The following CFAP46 variants were observed in gnomAD, a reference collection of about 807,000 sequenced individuals.
CFAP46 encodes the protein cilia and flagella associated protein 46, also known as cilia- and flagella-associated protein 46.
CFAP46 carries 245 observed loss-of-function variants against 325.7 expected under a neutral mutation model. The observed-to-expected ratio is 0.75, with a 90% CI of 0.68 to 0.84. The LOEUF (loss-of-function observed/expected upper bound fraction) is 0.84, where lower values mean the gene tolerates loss of function less well. Among genes scored for constraint, CFAP46 ranks in the 40% least tolerant of loss-of-function variants. CFAP46 has a pLI of 0.00. For missense variants in CFAP46, 3,346 were observed against 3,543.0 expected (o/e 0.94, Z 1.41); for synonymous variants, 1,523 against 1,495.9 (o/e 1.02, Z -0.42).
At chr10:132,849,547 C>T (rs571961519) in intron 41 of CFAP46, among the ~76,000 whole-genome samples, 1 of 152,300 alleles carries the variant, frequency 6.6e-6, no homozygotes, top group South Asian at 2.1e-4. Flanking sequence ...AGGAAGGTGA[C>T]CTGGGGCCTT....
chr10:132,929,599 C>CA (rs1849860944), intron 9 of CFAP46, 106 bp downstream of exon 9: 3 of 1,079,874 alleles, frequency 2.8e-6, no homozygotes, highest in South Asian at 2.5e-5. Flanking sequence ...GACCGAAGCC[C>CA]TGGGGGCCGT....
intron 41 of CFAP46, 108 bp downstream of exon 41, chr10:132,850,136 C>T: frequency 8.8e-7 from 1 of 1,137,222 alleles, no homozygotes; most frequent in Admixed American, 2.3e-5. Flanking sequence ...TTCTCTCTTC[C>T]TGGGGCCACT....
At chr10:132,819,351 A>G (rs56317049) in intron 50 of CFAP46, among the ~76,000 whole-genome samples, 1,622 of 152,366 alleles carry the variant, frequency 0.011, 14 homozygotes, top group Non-Finnish European at 0.019. Flanking sequence ...GCAATGCACT[A>G]TCAAAATTCC....
chr10:132,823,746 CTGA>C (rs1468087240), intron 50 of CFAP46, among the ~76,000 whole-genome samples: 17 of 102,628 alleles, frequency 1.7e-4, no homozygotes, highest in Middle Eastern at 7.4e-3. Context: ...GCTGTGTGCG[CTGA>C]TGTGTGCTGT....
chr10:132,889,311 G>A lies in CFAP46; in HGVS notation c.3304+3022C>T, dbSNP rs984096984. Among the ~76,000 whole-genome samples the A allele has an allele frequency of 5.3e-5, 8 of 152,148 alleles. No individual in the cohort carries two copies. Among genetic ancestry groups the A allele is most frequent in the Admixed American group, 2.6e-4 (4 of 15,288 alleles). On this transcript the variant is annotated intron_variant, in intron 25 of 57. Coordinates refer to ENST00000368586, the MANE Select transcript of CFAP46 (RefSeq NM_001200049.3). This position sits in a 1 kb window ranked among gnomAD's most constrained non-coding sequence, Gnocchi z 6.0. Reference sequence around the variant, plus strand: ...GAGACTGCATTCTCCAGAGCCGACCGGCTGGGTCTAGGGAGCAGAGGTGCC... The same window carrying A: ...GAGACTGCATTCTCCAGAGCCGACCAGCTGGGTCTAGGGAGCAGAGGTGCC...
intron 22 of CFAP46, among the ~76,000 whole-genome samples, chr10:132,900,380 G>A (rs557032953): frequency 1.3e-5 from 2 of 152,394 alleles, no homozygotes; most frequent in African/African-American, 4.8e-5. Context: ...GGCTGGGGCT[G>A]CAACGCCACA....
intron 34 of CFAP46, 66 bp from the exon 35 acceptor site, chr10:132,866,237 AGGCTCT>A: frequency 7.1e-7 from 1 of 1,411,432 alleles, no homozygotes; most frequent in Non-Finnish European, 9.3e-7. Context: ...CTCACGGGAC[AGGCTCT>A]GGCTCAGGAG....
Position 132,876,968 on chromosome 10 carries a change from A to G in CFAP46, c.4213-7T>C. 6.5e-7 allele frequency: 1 copy of G among 1,548,984 alleles called. No homozygotes were observed. ...TAGGAGCTGGGCTTTGAGACTAGAA[A>G]GGCAAGAATACAGGATTTACCTGAA... is the stretch of plus-strand genomic sequence containing the variant. On this transcript the variant is annotated splice_region_variant and splice_polypyrimidine_tract_variant and intron_variant, in intron 30 of 57. Coordinates refer to ENST00000368586, the MANE Select transcript of CFAP46 (RefSeq NM_001200049.3). This position sits in a 1 kb window ranked among gnomAD's most constrained non-coding sequence, Gnocchi z 4.1.
intron 14 of CFAP46, 45 bp downstream of exon 14, chr10:132,920,014 C>T (rs1343763881): frequency 6.8e-7 from 1 of 1,467,346 alleles, no homozygotes; most frequent in Non-Finnish European, 9.0e-7. Flanking sequence ...CTGAGCGACC[C>T]CCGGGCTGAG....
chr10:132,821,733 CTG>C lies in CFAP46; in HGVS notation c.7118-6821_7118-6820del, dbSNP rs1285557424. ...GACGTGTGCTGTGTGCTGACGTGTG[CTG>C]TGTGTGCGCTGATGTGTGCTGTGTG... On this transcript the variant is annotated intron_variant, in intron 50 of 57. Coordinates refer to ENST00000368586, the MANE Select transcript of CFAP46 (RefSeq NM_001200049.3). 1.2e-3 allele frequency among the ~76,000 whole-genome samples: 125 copies of C among 104,642 alleles called. 1 individual carries two copies. The highest frequency in any genetic ancestry group is 4.3e-3 in the African/African-American group (114 of 26,536). The allele number at this position is 104,642 out of a possible 152,430, so 68.6% of individuals were successfully genotyped here. A position where few individuals can be genotyped will look rare whatever the true frequency, so the allele number is the denominator to read the frequency against.
chr10:132,814,083 G>T, intron 54 of CFAP46, 69 bp downstream of exon 54: 2 of 1,241,512 alleles, frequency 1.6e-6, no homozygotes, highest in South Asian at 1.2e-5. Context: ...GGGGTAGGGG[G>T]CAGTGGCTCC....
At chr10:132,892,309 G>A (rs1173774186) in intron 25 of CFAP46, 24 bp downstream of exon 25, 1 of 1,547,654 alleles carries the variant, frequency 6.5e-7, no homozygotes, top group Non-Finnish European at 8.7e-7. Flanking sequence ...TGGAGCCTGT[G>A]GGTCTGTCTG....
In CFAP46 at chr10:132,864,283, C is replaced by A. The variant is rs577347539; in HGVS notation, c.4890+1742G>T. 5.7e-5 allele frequency among the ~76,000 whole-genome samples: 8 copies of A among 140,792 alleles called. No homozygotes were observed. The South Asian group carries it at 1.9e-3, about 33-fold the overall frequency. 92.4% of individuals were successfully genotyped at this position (140,792 alleles called of 152,430 possible). A position where few individuals can be genotyped will look rare whatever the true frequency, so the allele number is the denominator to read the frequency against. On this transcript the variant is annotated intron_variant, in intron 35 of 57. Transcript: ENST00000368586. ...TGTCTGAGACCTGCACACACCTGTCCCCCTGCCTGAGACCTGTACACACCT... is the reference window on the plus strand; with the variant it reads ...TGTCTGAGACCTGCACACACCTGTCACCCTGCCTGAGACCTGTACACACCT...
chr10:132,818,097 G>A (rs1452857984), intron 50 of CFAP46, among the ~76,000 whole-genome samples: 1 of 152,212 alleles, frequency 6.6e-6, no homozygotes, highest in Non-Finnish European at 1.5e-5. Context: ...AGGCTCACAG[G>A]CACCCCTGGG....
intron 7 of CFAP46, among the ~76,000 whole-genome samples, chr10:132,936,746 T>C (rs1055984195): frequency 1.3e-5 from 2 of 152,024 alleles, no homozygotes; most frequent in Non-Finnish European, 2.9e-5. Context: ...TGGCCTCTCC[T>C]CTGTGCTGGG....
intron 50 of CFAP46, 66 bp downstream of exon 50, chr10:132,833,292 C>T (rs927056451): frequency 1.8e-5 from 27 of 1,466,338 alleles, no homozygotes; most frequent in Admixed American, 1.6e-4. Flanking sequence ...ATTGTTTCAT[C>T]TGAAAAATAA....
intron 50 of CFAP46, among the ~76,000 whole-genome samples, chr10:132,824,153 T>G (rs1026679910): frequency 7.3e-6 from 1 of 137,656 alleles, no homozygotes; most frequent in Admixed American, 7.3e-5. Flanking sequence ...ATGTGTGCTG[T>G]GTGTGTGCTG....
rs1235121143 is a variant in CFAP46, at chr10:132,846,178, G to A, written c.6317C>T (p.Ala2106Val). The change falls in exon 44 of 58, where the codon GCC (alanine) becomes GTC (valine). Residue 2106 changes from alanine to valine, a missense_variant. Coordinates refer to ENST00000368586, the MANE Select transcript of CFAP46 (RefSeq NM_001200049.3). The stretch of plus-strand genomic sequence containing the variant: ...CGCCAGCTGTGAGCTGCTGGTGTTG[G>A]CTGTGGCTGCAAGCAGGACATCCCT... ...TMRDVLLAAT[A>V]NTSSSQLAAL... The A allele has an allele frequency of 1.9e-6, 3 of 1,611,882 alleles. No individual in the cohort carries two copies. The highest frequency in any genetic ancestry group is 2.5e-6 in the Non-Finnish European group (3 of 1,179,578).
At chr10:132,822,733 T>TGA (rs1847896292) in intron 50 of CFAP46, among the ~76,000 whole-genome samples, 1 of 141,804 alleles carries the variant, frequency 7.1e-6, no homozygotes, top group Non-Finnish European at 1.5e-5. Flanking sequence ...GTGTGCTGTG[T>TGA]GTGCAGTGAT....
Sources: allele counts gnomAD v4.1 joint callset (sites outside exome capture counted in the v4.1 genomes callset), GRCh38; gene constraint gnomAD v4.1.1; non-coding constraint Gnocchi (gnomAD v3.1); transcripts MANE v1.5; gene names NCBI Gene and HGNC (gene_info 2026-07-23, HGNC 2026-07-21).